Variants in TAF8 observed in about 807,000 individuals in gnomAD.
TAF8 encodes the protein transcription initiation factor TFIID subunit 8.
A neutral mutation model predicts 36.5 loss-of-function variants in TAF8; 47 were observed. The observed-to-expected ratio is 1.29, with a 90% CI of 1.02 to 1.64. The LOEUF (loss-of-function observed/expected upper bound fraction) is 1.64. Among genes scored for constraint, TAF8 ranks in the 40% most tolerant of loss-of-function variants. The pLI, the probability that TAF8 is intolerant of heterozygous loss-of-function variation, is 0.00. For missense variants in TAF8, 420 were observed against 407.6 expected, an observed-to-expected ratio of 1.03 and a Z score of -0.26; for synonymous variants, 175 against 159.5, an observed-to-expected ratio of 1.10 and a Z score of -0.73.
In TAF8 at chr6:42,079,080, C is replaced by T. The variant is rs1765845952; in HGVS notation, c.*1535C>T. 3 of 814,504 alleles carry T rather than the reference C, an allele frequency of 3.7e-6. No homozygotes were observed. The African/African-American group carries it at 5.6e-5, about 15-fold the overall frequency. The allele number at this position is 814,504 out of a possible 1,614,324, so 50.5% of individuals were successfully genotyped here. On this transcript the variant is annotated 3_prime_UTR_variant, in exon 9 of 9. Transcript: ENST00000372977. Reference sequence around the variant, plus strand: ...GAGGTTGCAGTGAGCCGAGATCGTGCCACTGCACTCCAGCCTGGGTGACAG... The same window carrying T: ...GAGGTTGCAGTGAGCCGAGATCGTGTCACTGCACTCCAGCCTGGGTGACAG...
In TAF8 at chr6:42,066,557, G is replaced by T. The variant is rs1378584981; in HGVS notation, c.637+98G>T. ...GGTAGGAAGAAACAAATAAGCTTTT[G>T]TCCTTCCCTTGGGTACAGCTTGCCT... On this transcript the variant is annotated intron_variant, in intron 6 of 8. Coordinates refer to ENST00000372977, the MANE Select transcript of TAF8 (RefSeq NM_138572.3). 6 of 1,419,982 alleles carry T rather than the reference G, an allele frequency of 4.2e-6. No individual in the cohort carries two copies. The African/African-American group carries it at 8.4e-5, about 20-fold the overall frequency. The allele number at this position is 1,419,982 out of a possible 1,614,324, so 88.0% of individuals were successfully genotyped here. A position where few individuals can be genotyped will look rare whatever the true frequency, so the allele number is the denominator to read the frequency against.
chr6:42,069,537 A>G (rs1405396562), intron 7 of TAF8, among the ~76,000 whole-genome samples: 3 of 152,230 alleles, frequency 2.0e-5, no homozygotes, highest in Non-Finnish European at 4.4e-5. Context: ...GAAAGATGGA[A>G]TTGCCTTCAG....
intron 7 of TAF8, among the ~76,000 whole-genome samples, chr6:42,071,794 G>A (rs1211416177): frequency 6.6e-6 from 1 of 152,174 alleles, no homozygotes; most frequent in Non-Finnish European, 1.5e-5. Context: ...TTATGAGAAA[G>A]AGGAATCATG....
chr6:42,069,173 G>A (rs543053342), intron 7 of TAF8, among the ~76,000 whole-genome samples: 3 of 152,262 alleles, frequency 2.0e-5, no homozygotes, highest in East Asian at 1.9e-4. Flanking sequence ...GAGGGCCCAC[G>A]GGGAGTCAGA....
chr6:42,068,734 T>A, intron 7 of TAF8, 127 bp downstream of exon 7: 1 of 1,123,874 alleles, frequency 8.9e-7, no homozygotes, highest in Non-Finnish European at 1.3e-6. Flanking sequence ...GGGGCCTGCA[T>A]AAGGGCTTGC....
intron 2 of TAF8, among the ~76,000 whole-genome samples, chr6:42,053,457 C>G (rs538368131): frequency 1.3e-5 from 2 of 151,110 alleles, no homozygotes; most frequent in African/African-American, 2.4e-5. Flanking sequence ...TACAGCTACT[C>G]GGGAGGCTGA....
chr6:42,050,651 C>A, intron 1 of TAF8, 65 bp downstream of exon 1: 2 of 1,491,898 alleles, frequency 1.3e-6, no homozygotes, highest in Non-Finnish European at 1.8e-6. Flanking sequence ...TTCCCCTCGA[C>A]TGAGCAACAA....
At chr6:42,050,856 C>G in intron 1 of TAF8, 1 of 1,123,832 alleles carries the variant, frequency 8.9e-7, no homozygotes, top group Non-Finnish European at 1.1e-6. Context: ...TTTTCGCCTT[C>G]TTATTGGCCG....
At chr6:42,066,208 G>T in intron 5 of TAF8, 104 bp from the exon 6 acceptor site, 1 of 1,440,286 alleles carries the variant, frequency 6.9e-7, no homozygotes, top group African/African-American at 1.4e-5. Flanking sequence ...GCCTGGTATT[G>T]GGTCATTTTA....
rs1437874865 is a variant in TAF8, at chr6:42,077,681, T to G, written c.*136T>G. On this transcript the variant is annotated 3_prime_UTR_variant, in exon 9 of 9. Coordinates refer to ENST00000372977, the MANE Select transcript of TAF8 (RefSeq NM_138572.3). ...AGGGTGTGATCGGACATGATTTTCA[T>G]GGCAAACCGTCTTATTAAGATGACC... The G allele has an allele frequency of 1.3e-6, 2 of 1,512,650 alleles. No homozygotes were observed. The highest frequency in any genetic ancestry group is 2.0e-4 in the Middle Eastern group (1 of 4,946). 93.7% of individuals were successfully genotyped at this position (1,512,650 alleles called of 1,614,324 possible). A position where few individuals can be genotyped will look rare whatever the true frequency, so the allele number is the denominator to read the frequency against.
chr6:42,050,928 A>G, intron 1 of TAF8: 2 of 1,144,316 alleles, frequency 1.7e-6, no homozygotes, highest in South Asian at 6.7e-5. Context: ...TTGTGCTTTT[A>G]TCTTTTGCCC....
At chr6:42,051,132 A>T (rs968092492) in intron 1 of TAF8, 1 of 1,277,374 alleles carries the variant, frequency 7.8e-7, no homozygotes, top group Non-Finnish European at 9.9e-7. Context: ...ATTTTATCTC[A>T]TTGGGACTGT....
chr6:42,075,722 G>A (rs1045859334), intron 7 of TAF8, among the ~76,000 whole-genome samples: 18 of 152,148 alleles, frequency 1.2e-4, no homozygotes, highest in Admixed American at 7.2e-4. Context: ...CCGACCAAAC[G>A]TGGAAAATAA....
chr6:42,062,383 A>G (rs1203351491), intron 5 of TAF8, among the ~76,000 whole-genome samples: 1 of 152,158 alleles, frequency 6.6e-6, no homozygotes, highest in East Asian at 1.9e-4. Context: ...GTTTTAGCCT[A>G]CAGAAAAAAG....
At chr6:42,071,236 C>T in intron 7 of TAF8, 1 of 182,274 alleles carries the variant, frequency 5.5e-6, no homozygotes, top group South Asian at 7.5e-5. Flanking sequence ...CAAATGGCAG[C>T]CAGCCACCCT....
intron 7 of TAF8, among the ~76,000 whole-genome samples, chr6:42,072,847 C>G (rs901826182): frequency 4.6e-5 from 7 of 152,054 alleles, no homozygotes; most frequent in Admixed American, 1.3e-4. Flanking sequence ...CTCAGCCTCC[C>G]CAGCAGCTAG....
chr6:42,086,827 G>A (rs1184505491), downstream of TAF8: 44 of 1,377,700 alleles, frequency 3.2e-5, no homozygotes, highest in Non-Finnish European at 3.9e-5. Flanking sequence ...AGACACACAC[G>A]GAAGCAAACC....
downstream of TAF8, chr6:42,086,694 G>GT (rs896108986): frequency 2.6e-6 from 4 of 1,550,958 alleles, no homozygotes; most frequent in African/African-American, 4.1e-5. Flanking sequence ...GAGCAAAGCG[G>GT]TTTTTTTCAC....
rs2127465784 is a variant in TAF8 at position 42,078,995 on chromosome 6, G to C, written c.*1450G>C. On this transcript the variant is annotated 3_prime_UTR_variant, in exon 9 of 9. Transcript: ENST00000372977. ...AAATTAGCCGGGTGTGGTTACTCAT[G>C]CCTGTAATCCCAGCTACTCGGGAGG... is the stretch of plus-strand genomic sequence containing the variant. 1.9e-6 allele frequency: 1 copy of C among 535,520 alleles called. No individual in the cohort carries two copies. The highest frequency in any genetic ancestry group is 2.4e-6 in the Non-Finnish European group (1 of 418,974). The allele number at this position is 535,520 out of a possible 1,614,324, so 33.2% of individuals were successfully genotyped here. A position where few individuals can be genotyped will look rare whatever the true frequency, so the allele number is the denominator to read the frequency against.
Sources: allele counts gnomAD v4.1 joint callset (sites outside exome capture counted in the v4.1 genomes callset), GRCh38; gene constraint gnomAD v4.1.1; transcripts MANE v1.5; gene names NCBI Gene and HGNC (gene_info 2026-07-23, HGNC 2026-07-21).